RPTOR: variants seen among roughly 807,000 people sequenced by gnomAD.
RPTOR encodes the protein regulatory-associated protein of mTOR.
Under a neutral mutation model 169.9 loss-of-function variants are expected in RPTOR, and 21 were observed. The ratio of observed to expected loss-of-function variants is 0.12; its 90% CI spans 0.09 to 0.18. The LOEUF is 0.18. RPTOR is among the 10% of genes least tolerant of loss of function. The pLI is 1.00. For missense variants in RPTOR, 1,133 were observed against 1,855.9 expected (o/e 0.61, Z 7.16); for synonymous variants, 732 against 753.2 (o/e 0.97, Z 0.46).
At position 80,666,560 on chromosome 17, in the gene RPTOR, G is replaced by A. The variant is rs758951295; in HGVS notation, c.348+22750G>A. 5.9e-5 allele frequency among the ~76,000 whole-genome samples: 9 copies of A among 152,216 alleles called. No individual in the cohort carries two copies. The South Asian group carries it at 6.2e-4, about 11-fold the overall frequency. The stretch of plus-strand genomic sequence containing the variant: ...AATGTTGATTATTGGCCATATATGC[G>A]TCACTTTGCTAGTTGCTGTGGATAT... On this transcript the variant is annotated intron_variant, in intron 3 of 33. Coordinates refer to ENST00000306801, the MANE Select transcript of RPTOR (RefSeq NM_020761.3).
At chr17:80,712,725 C>T (rs2066205496) in intron 4 of RPTOR, among the ~76,000 whole-genome samples, 1 of 152,182 alleles carries the variant, frequency 6.6e-6, no homozygotes, top group South Asian at 2.1e-4. Context: ...GTATGCTTAG[C>T]TTTATAAGGA....
chr17:80,699,518 C>A (rs2066065574), intron 3 of RPTOR, among the ~76,000 whole-genome samples: 2 of 130,802 alleles, frequency 1.5e-5, no homozygotes, highest in East Asian at 4.5e-4. Flanking sequence ...TACCCTGGTG[C>A]AGTGATGGGG....
intron 21 of RPTOR, among the ~76,000 whole-genome samples, chr17:80,920,753 A>G (rs2068735724): frequency 1.3e-5 from 2 of 152,232 alleles, no homozygotes; most frequent in African/African-American, 4.8e-5. Context: ...TAAAGGCTTC[A>G]TTTCAACTCC....
chr17:80,625,458 C>G (rs2065385883), intron 1 of RPTOR, among the ~76,000 whole-genome samples: 1 of 152,148 alleles, frequency 6.6e-6, no homozygotes, highest in Non-Finnish European at 1.5e-5. Context: ...AATAGCCCTT[C>G]CTGCCACGTC....
In RPTOR at chr17:80,726,041, G is replaced by C. The variant is rs2066330316; in HGVS notation, c.508-4519G>C. On this transcript the variant is annotated intron_variant, in intron 4 of 33. Coordinates refer to ENST00000306801, the MANE Select transcript of RPTOR (RefSeq NM_020761.3). The surrounding 1 kb of genome is among the most constrained non-coding windows in gnomAD (Gnocchi z 4.5). ...CTGCGGAAGATTGTGTGGTGCACAG[G>C]GCAGCCCCACAAGGAGCGGCCCGGC... 6.6e-6 allele frequency among the ~76,000 whole-genome samples: 1 copy of C among 152,148 alleles called. No homozygotes were observed. The highest frequency in any genetic ancestry group is 2.4e-5 in the African/African-American group (1 of 41,418).
Position 80,960,435 on chromosome 17 carries a change from C to T in RPTOR, c.3605+230C>T, listed in dbSNP as rs935939455. On this transcript the variant is annotated intron_variant, in intron 30 of 33. Transcript: ENST00000306801. This position sits in a 1 kb window ranked among gnomAD's most constrained non-coding sequence, Gnocchi z 4.8. The stretch of plus-strand genomic sequence containing the variant: ...TGCCCCACAGAGGTCCACCCCACAG[C>T]CTATGGAGGAGCACAGGGGACAGGC... Among the ~76,000 whole-genome samples the T allele has an allele frequency of 5.3e-5, 8 of 152,256 alleles. No homozygotes were observed. Among genetic ancestry groups the T allele is most frequent in the Non-Finnish European group, 7.3e-5 (5 of 68,040 alleles).
At chr17:80,835,828 C>T (rs1051175949) in intron 9 of RPTOR, among the ~76,000 whole-genome samples, 1 of 152,184 alleles carries the variant, frequency 6.6e-6, no homozygotes, top group South Asian at 2.1e-4. Flanking sequence ...CGGTCCCAGG[C>T]ATTTTAGAGA....
Position 80,844,187 on chromosome 17 carries a change from C to G in RPTOR, c.1213-2286C>G, listed in dbSNP as rs964435870. Among the ~76,000 whole-genome samples the G allele has an allele frequency of 3.9e-5, 6 of 152,228 alleles. No homozygotes were observed. Among genetic ancestry groups the G allele is most frequent in the African/African-American group, 7.2e-5 (3 of 41,460 alleles). ...GGAATATCATATAAAGTGTTGGCCACTCTTCCGCAGGCGCTTGCTCTAATT... is the reference window on the plus strand; with the variant it reads ...GGAATATCATATAAAGTGTTGGCCAGTCTTCCGCAGGCGCTTGCTCTAATT... On this transcript the variant is annotated intron_variant, in intron 10 of 33. Coordinates refer to ENST00000306801, the MANE Select transcript of RPTOR (RefSeq NM_020761.3). This position sits in a 1 kb window ranked among gnomAD's most constrained non-coding sequence, Gnocchi z 4.7.
intron 27 of RPTOR, 98 bp from the exon 28 acceptor site, chr17:80,949,345 C>T (rs1598419637): frequency 1.9e-6 from 2 of 1,045,590 alleles, no homozygotes; most frequent in Non-Finnish European, 1.5e-6. Flanking sequence ...AGGGTCACTG[C>T]AGCACGTCTG....
At position 80,965,062 on chromosome 17, in the gene RPTOR, G is replaced by A. The variant is rs540410236; in HGVS notation, c.*732G>A. ...CCTCTCACACAGAGCTGTCAGCAGG[G>A]GCCGCTGTGGCGGTGCACAGGGGAG... On this transcript the variant is annotated 3_prime_UTR_variant, in exon 34 of 34. Coordinates refer to ENST00000306801, the MANE Select transcript of RPTOR (RefSeq NM_020761.3). The A allele has an allele frequency of 2.6e-5, 6 of 233,354 alleles. No homozygotes were observed. The highest frequency in any genetic ancestry group is 1.3e-4 in the African/African-American group (6 of 45,482). The allele number at this position is 233,354 out of a possible 1,614,324, so 14.5% of individuals were successfully genotyped here.
At chr17:80,623,666 G>T (rs2065372160) in intron 1 of RPTOR, among the ~76,000 whole-genome samples, 1 of 152,088 alleles carries the variant, frequency 6.6e-6, no homozygotes, top group East Asian at 1.9e-4. Flanking sequence ...CTCCGGAGTA[G>T]CTAGGATTAC....
At chr17:80,818,881 C>T (rs2067350632) in intron 7 of RPTOR, among the ~76,000 whole-genome samples, 1 of 152,216 alleles carries the variant, frequency 6.6e-6, no homozygotes, top group African/African-American at 2.4e-5. Context: ...ATGGCTTGGC[C>T]ATCCAGTGAC....
chr17:80,831,927 C>T (rs1411194621), intron 9 of RPTOR, among the ~76,000 whole-genome samples: 1 of 152,228 alleles, frequency 6.6e-6, no homozygotes, highest in African/African-American at 2.4e-5. Context: ...CAGTCCATTC[C>T]ACCATGTTAC....
chr17:80,869,669 G>A (rs555349835), intron 13 of RPTOR, among the ~76,000 whole-genome samples: 11 of 152,312 alleles, frequency 7.2e-5, no homozygotes, highest in Middle Eastern at 3.4e-3. Context: ...CAGACTGCGT[G>A]TCAGGAGGGA....
chr17:80,884,050 G>A (rs1458114460), intron 16 of RPTOR, 78 bp downstream of exon 16: 18 of 1,434,578 alleles, frequency 1.3e-5, no homozygotes, highest in Admixed American at 5.9e-5. Flanking sequence ...GCTCGCGTGC[G>A]GGTGTGGCCG....
At chr17:80,758,526 C>T (rs556510561) in intron 6 of RPTOR, among the ~76,000 whole-genome samples, 1 of 152,054 alleles carries the variant, frequency 6.6e-6, no homozygotes, top group Non-Finnish European at 1.5e-5. Flanking sequence ...ATAGGGAGAC[C>T]TTGGTGACCA....
intron 25 of RPTOR, among the ~76,000 whole-genome samples, chr17:80,943,227 G>A (rs147514947): frequency 3.3e-5 from 5 of 152,338 alleles, no homozygotes; most frequent in African/African-American, 1.2e-4. Context: ...GGCGGCTTTG[G>A]CTGTGCTTAA....
chr17:80,908,438 T>C (rs1339761988), intron 20 of RPTOR, among the ~76,000 whole-genome samples: 1 of 152,088 alleles, frequency 6.6e-6, no homozygotes, highest in Non-Finnish European at 1.5e-5. Context: ...CCATGCCACA[T>C]GCACCACTAC....
intron 17 of RPTOR, among the ~76,000 whole-genome samples, chr17:80,886,884 C>G (rs944519334): frequency 6.6e-6 from 1 of 152,218 alleles, no homozygotes; most frequent in Admixed American, 6.5e-5. Context: ...AGCACGTGGT[C>G]TAATCAAAGA....
Sources: allele counts gnomAD v4.1 joint callset (sites outside exome capture counted in the v4.1 genomes callset), GRCh38; gene constraint gnomAD v4.1.1; non-coding constraint Gnocchi (gnomAD v3.1); transcripts MANE v1.5; gene names NCBI Gene and HGNC (gene_info 2026-07-23, HGNC 2026-07-21).